The following CHRNA2 variants were observed in gnomAD, a reference collection of about 807,000 sequenced individuals.
The protein encoded by CHRNA2 is cholinergic receptor nicotinic alpha 2 subunit.
In CHRNA2, 40 loss-of-function variants were observed where a neutral mutation model predicts 45.5. The ratio of observed to expected loss-of-function variants is 0.88; its 90% CI spans 0.68 to 1.15. The LOEUF (loss-of-function observed/expected upper bound fraction) is 1.15. CHRNA2 is among the 50% of genes most tolerant of loss of function. CHRNA2 has a pLI of 0.00. For missense variants in CHRNA2, 655 were observed against 701.7 expected (o/e 0.93, Z 0.75); for synonymous variants, 301 against 296.7 (o/e 1.01, Z -0.15).
chr8:27,471,044 A>G lies in CHRNA2; in HGVS notation c.15T>C (p.Cys5=), dbSNP rs754810220. MGPS[C]PVFLSFTKLS... Reference sequence around the variant, plus strand: ...GCTTTGTGAAGGACAGGAACACAGGACAGGAGGGGCCCATGGCTTCTCCTG... The same window carrying G: ...GCTTTGTGAAGGACAGGAACACAGGGCAGGAGGGGCCCATGGCTTCTCCTG... The change falls in exon 2 of 7, where the codon TGT becomes TGC. Residue 5 remains cysteine, a synonymous_variant. Transcript: ENST00000407991. 36 of 1,614,006 alleles carry G rather than the reference A, an allele frequency of 2.2e-5. No homozygotes were observed. Among genetic ancestry groups the G allele is most frequent in the Non-Finnish European group, 3.4e-6 (4 of 1,179,986 alleles).
chr8:27,464,104 C>CA (rs1379674361), intron 5 of CHRNA2, 111 bp from the exon 6 acceptor site: 1 of 1,246,516 alleles, frequency 8.0e-7, no homozygotes, highest in African/African-American at 1.5e-5. Flanking sequence ...GACCCGGCCA[C>CA]ACTGGCGGGG....
intron 3 of CHRNA2, 103 bp from the exon 4 acceptor site, chr8:27,469,482 C>A: frequency 8.0e-7 from 1 of 1,247,928 alleles, no homozygotes; most frequent in Non-Finnish European, 1.1e-6. Flanking sequence ...ATAGGACACC[C>A]CAAGCCCAGC....
At chr8:27,473,523 G>GCCC (rs1563325463) in intron 1 of CHRNA2, among the ~76,000 whole-genome samples, 4 of 82,718 alleles carry the variant, frequency 4.8e-5, no homozygotes, top group African/African-American at 1.8e-4. Context: ...AACATAGTGA[G>GCCC]ACCCCCCCCG....
intron 1 of CHRNA2, among the ~76,000 whole-genome samples, chr8:27,472,660 T>A (rs1367146350): frequency 6.6e-6 from 1 of 152,036 alleles, no homozygotes; most frequent in East Asian, 1.9e-4. Flanking sequence ...GAAGGAGGGA[T>A]GGGAAGTGAC....
chr8:27,473,886 G>A (rs751364598), intron 1 of CHRNA2, among the ~76,000 whole-genome samples: 4 of 152,024 alleles, frequency 2.6e-5, no homozygotes, highest in South Asian at 2.1e-4. Context: ...CGGTTGCACC[G>A]GCCCATCCTA....
Position 27,463,398 on chromosome 8 carries a change from C to G in CHRNA2, c.1045G>C (p.Val349Leu), listed in dbSNP as rs774279507. Residue 349 changes from valine (V) to leucine (L), a missense_variant, in exon 6 of 7, where the codon GTG becomes CTG. Around this residue, in one of 3 missense-constraint regions of CHRNA2, gnomAD observed 295 missense variants for 280.4 expected, o/e 1.05. Transcript: ENST00000407991. The surrounding 1 kb of genome is among the most constrained non-coding windows in gnomAD (Gnocchi z 6.1). ...GGGGAGCGGTGGTGCACATTGAGCA[C>G]GAAGACGGTGATGACGATGGACAGG... ...VTLSIVITVF[V>L]LNVHHRSPST... 6.8e-6 allele frequency: 11 copies of G among 1,613,926 alleles called. No homozygotes were observed. Among genetic ancestry groups the G allele is most frequent in the Admixed American group, 3.3e-5 (2 of 59,992 alleles).
Position 27,462,984 on chromosome 8 carries a change from A to G in CHRNA2, c.1459T>C (p.Ser487Pro). ...CTCTCCCAACCCCAACGCACCGAAG[A>G]GTCAGCATCCTCAGACCGCAGGTGG... ...ADHLRSEDAD[S>P]SVKEDWKYVA... Residue 487 changes from serine (S) to proline (P), a missense_variant, in exon 6 of 7, where the codon TCT (serine) becomes CCT (proline). Around this residue, in one of 3 missense-constraint regions of CHRNA2, gnomAD observed 295 missense variants for 280.4 expected, o/e 1.05. Coordinates refer to ENST00000407991, the MANE Select transcript of CHRNA2 (RefSeq NM_000742.4). 7.4e-6 allele frequency: 12 copies of G among 1,614,060 alleles called. No homozygotes were observed. The highest frequency in any genetic ancestry group is 1.0e-5 in the Non-Finnish European group (12 of 1,180,028).
Position 27,469,681 on chromosome 8 carries a change from G to A in CHRNA2, c.294+80C>T, listed in dbSNP as rs945418539. ...CTGCTGTGCGTGAGGGCAGGGCTGGGGTAGAGGAAGGAGCAGGGGGAAAGC... is the reference window on the plus strand; with the variant it reads ...CTGCTGTGCGTGAGGGCAGGGCTGGAGTAGAGGAAGGAGCAGGGGGAAAGC... On this transcript the variant is annotated intron_variant, in intron 3 of 6. Coordinates refer to ENST00000407991, the MANE Select transcript of CHRNA2 (RefSeq NM_000742.4). 5 of 1,544,860 alleles carry A rather than the reference G, an allele frequency of 3.2e-6. No individual in the cohort carries two copies. In the Admixed American group the frequency reaches 8.4e-5, roughly 26 times the overall value.
chr8:27,462,962 TCCCAAC>T lies in CHRNA2; in HGVS notation c.1464+11_1464+16del. ...GTGGGGCCACCCAGGCTGGCGCCTC[TCCCAAC>T]CCCAACGCACCGAAGAGTCAGCATC... On this transcript the variant is annotated intron_variant, in intron 6 of 6. Transcript: ENST00000407991. 1 of 1,613,940 alleles carries T rather than the reference TCCCAAC, an allele frequency of 6.2e-7. No homozygotes were observed. The highest frequency in any genetic ancestry group is 8.5e-7 in the Non-Finnish European group (1 of 1,180,026).
Position 27,469,964 on chromosome 8 carries a change from G to A in CHRNA2, c.91C>T (p.Arg31Cys), listed in dbSNP as rs764887214. The change falls in exon 3 of 7, where the codon CGC (arginine) becomes TGC (cysteine). Residue 31 changes from arginine (R) to cysteine (C), a missense_variant. Arg to Cys is a radical substitution (Grantham distance 180). Transcript: ENST00000407991. ...TCTCCAGGAGCCCTGGGAGGTGGGC[G>A]CTTAGCTTCCTCTCCACCTGCCATC... ...LTPAGGEEAK[R>C]PPPRAPGDPL... is the part of the protein sequence containing the mutation. The A allele has an allele frequency of 1.1e-5, 17 of 1,613,388 alleles. No homozygotes were observed. Among genetic ancestry groups the A allele is most frequent in the Middle Eastern group, 1.6e-4 (1 of 6,082 alleles).
chr8:27,471,287 G>C lies in CHRNA2; in HGVS notation c.-136-93C>G, dbSNP rs116683540. The C allele has an allele frequency of 1.4e-5, 7 of 499,984 alleles. No homozygotes were observed. In the Admixed American group the frequency reaches 1.9e-4, roughly 14 times the overall value. The allele number at this position is 499,984 out of a possible 1,614,324, so 31.0% of individuals were successfully genotyped here. On this transcript the variant is annotated intron_variant, in intron 1 of 6. Coordinates refer to ENST00000407991, the MANE Select transcript of CHRNA2 (RefSeq NM_000742.4). ...TGCTCCACACAGGCATGAAATGAGA[G>C]CAAAAGGCCCTCAGCAGGCCTCTCA... is the stretch of plus-strand genomic sequence containing the variant.
intron 4 of CHRNA2, among the ~76,000 whole-genome samples, chr8:27,467,990 A>C (rs969876102): frequency 1.3e-5 from 2 of 152,198 alleles, no homozygotes; most frequent in Non-Finnish European, 2.9e-5. Context: ...TTATCTCCGT[A>C]GTCCATCTGT....
chr8:27,472,069 A>T (rs1004084430), intron 1 of CHRNA2, among the ~76,000 whole-genome samples: 4 of 152,370 alleles, frequency 2.6e-5, no homozygotes, highest in Admixed American at 2.0e-4. Flanking sequence ...GCTTCTAAAT[A>T]GCAGAACATT....
Position 27,471,164 on chromosome 8 carries a change from G to T in CHRNA2, c.-106C>A. 2.7e-6 allele frequency: 3 copies of T among 1,093,270 alleles called. No homozygotes were observed. The highest frequency in any genetic ancestry group is 4.1e-6 in the Non-Finnish European group (3 of 725,652). The allele number at this position is 1,093,270 out of a possible 1,614,324, so 67.7% of individuals were successfully genotyped here. A position where few individuals can be genotyped will look rare whatever the true frequency, so the allele number is the denominator to read the frequency against. On this transcript the variant is annotated 5_prime_UTR_variant, in exon 2 of 7. Coordinates refer to ENST00000407991, the MANE Select transcript of CHRNA2 (RefSeq NM_000742.4). ...GCTGGATTCTGTGAGGATTCTGCTG[G>T]ATTCTGCGAGGCTTCCTCTCACCAC...
intron 1 of CHRNA2, among the ~76,000 whole-genome samples, chr8:27,474,063 G>A (rs1309173786): frequency 6.6e-6 from 1 of 152,206 alleles, no homozygotes; most frequent in Non-Finnish European, 1.5e-5. Flanking sequence ...AGTGACGGGA[G>A]CAAACGGGAT....
chr8:27,474,074 C>T (rs1812986838), intron 1 of CHRNA2, among the ~76,000 whole-genome samples: 1 of 152,166 alleles, frequency 6.6e-6, no homozygotes, highest in Non-Finnish European at 1.5e-5. Flanking sequence ...CAAACGGGAT[C>T]ACTTGTGCCC....
intron 5 of CHRNA2, among the ~76,000 whole-genome samples, chr8:27,464,493 G>A (rs1812636244): frequency 1.3e-5 from 2 of 152,094 alleles, no homozygotes; most frequent in African/African-American, 4.8e-5. Context: ...CTCTTCCAAA[G>A]TTCGTGCGTG....
rs115835387 is a variant in CHRNA2, at chr8:27,468,200, T to C, written c.340-862A>G. Among the ~76,000 whole-genome samples, 164 of 152,284 alleles carry C rather than the reference T, an allele frequency of 1.1e-3. 1 individual carries two copies. Among genetic ancestry groups the C allele is most frequent in the African/African-American group, 3.6e-3 (148 of 41,574 alleles). On this transcript the variant is annotated intron_variant, in intron 4 of 6. Transcript: ENST00000407991. The stretch of plus-strand genomic sequence containing the variant: ...ACTGGCCTCAAACTCCAGTACTCCT[T>C]CCTTGCCCTGCCACCCCAACCCTGA...
At chr8:27,465,463 C>T (rs1812668476) in intron 5 of CHRNA2, among the ~76,000 whole-genome samples, 1 of 152,126 alleles carries the variant, frequency 6.6e-6, no homozygotes, top group Non-Finnish European at 1.5e-5. Context: ...GGCGGAATCT[C>T]ACTCTGTTAT....
Sources: allele counts gnomAD v4.1 joint callset (sites outside exome capture counted in the v4.1 genomes callset), GRCh38; gene constraint gnomAD v4.1.1; regional missense constraint gnomAD v4.1.1; non-coding constraint Gnocchi (gnomAD v3.1); transcripts MANE v1.5; gene names NCBI Gene and HGNC (gene_info 2026-07-23, HGNC 2026-07-21).